The following NIPAL4 variants were observed in gnomAD, a reference collection of about 807,000 sequenced individuals.
NIPAL4 encodes NIPA like domain containing 4, also known as magnesium transporter NIPA4.
NIPAL4 carries 21 observed loss-of-function variants against 31.6 expected under a neutral mutation model. The ratio of observed to expected loss-of-function variants is 0.67; its 90% CI spans 0.47 to 0.96. NIPAL4 has a LOEUF of 0.96. Among genes scored for constraint, NIPAL4 ranks in the 40% least tolerant of loss-of-function variants. The probability of loss-of-function intolerance (pLI) is 0.00; values close to 1 mark genes in which losing one functional copy is unlikely to be tolerated. For missense variants in NIPAL4, 438 were observed against 508.0 expected, an observed-to-expected ratio of 0.86 and a Z score of 1.32; for synonymous variants, 175 against 211.1, an observed-to-expected ratio of 0.83 and a Z score of 1.48.
intron 4 of NIPAL4, among the ~76,000 whole-genome samples, chr5:157,470,434 C>T (rs576902314): frequency 6.6e-6 from 1 of 152,332 alleles, no homozygotes; most frequent in South Asian, 2.1e-4. Context: ...AGGACTCGAG[C>T]TCAATTCCTG....
intron 2 of NIPAL4, among the ~76,000 whole-genome samples, chr5:157,466,145 G>A (rs530956240): frequency 1.1e-4 from 17 of 152,144 alleles, no homozygotes; most frequent in Admixed American, 9.2e-4. Context: ...GTCAGGGATG[G>A]CATCGTAGGG....
chr5:157,471,838 G>C (rs776645162), intron 5 of NIPAL4, 21 bp downstream of exon 5: 1 of 1,565,866 alleles, frequency 6.4e-7, no homozygotes, highest in Admixed American at 1.9e-5. Context: ...AGCCCCTGAA[G>C]AGCAGGAAAA....
Position 157,472,787 on chromosome 5 carries a change from C to G in NIPAL4, c.1042C>G (p.Leu348Val). The G allele has an allele frequency of 6.2e-7, 1 of 1,609,028 alleles. No individual in the cohort carries two copies. Among genetic ancestry groups the G allele is most frequent in the Non-Finnish European group, 8.5e-7 (1 of 1,175,574 alleles). The change falls in exon 6 of 6, where the codon CTG becomes GTG. Residue 348 changes from leucine to valine, a missense_variant. Physicochemically the swap from Leu to Val is conservative, Grantham distance 32. Coordinates refer to ENST00000311946, the MANE Select transcript of NIPAL4 (RefSeq NM_001099287.2). ...GVFMLHAFKD[L>V]DISCASLPHM... ...GTTCATGCTGCATGCTTTCAAAGAC[C>G]TGGACATCAGCTGCGCCAGCTTGCC...
chr5:157,468,277 A>G (rs191278953), intron 3 of NIPAL4, among the ~76,000 whole-genome samples: 194 of 152,214 alleles, frequency 1.3e-3, no homozygotes, highest in Middle Eastern at 3.4e-3. Context: ...TTCCCCTGGA[A>G]AAGAGGGGAA....
At position 157,474,623 on chromosome 5, in the gene NIPAL4, C is replaced by T. The variant is rs1308403109; in HGVS notation, c.*1663C>T. 1 of 152,206 alleles carries T rather than the reference C, an allele frequency of 6.6e-6. No homozygotes were observed. The highest frequency in any genetic ancestry group is 1.5e-5 in the Non-Finnish European group (1 of 68,030). The allele number at this position is 152,206 out of a possible 1,614,324, so 9.4% of individuals were successfully genotyped here. The stretch of plus-strand genomic sequence containing the variant: ...GTGGATTTCTGTCTGTAATTAAAAG[C>T]AATGCAACAAGTTGGCTCTTGAGAA... On this transcript the variant is annotated 3_prime_UTR_variant, in exon 6 of 6. Transcript: ENST00000311946.
chr5:157,463,212 G>T lies in NIPAL4; in HGVS notation c.156G>T (p.Gln52His). Reference sequence around the variant, plus strand: ...ACAGCTGGCAGGAAAGAATCAGGCAGAACTATGGCTTCTACATCGGCCTGG... The same window carrying T: ...ACAGCTGGCAGGAAAGAATCAGGCATAACTATGGCTTCTACATCGGCCTGG... ...TFHSWQERIR[Q>H]NYGFYIGLGL... is the part of the protein sequence containing the mutation. Residue 52 changes from glutamine to histidine, a missense_variant, in exon 2 of 6, where the codon CAG becomes CAT. By Grantham distance (24) the Gln-to-His change is conservative. Coordinates refer to ENST00000311946, the MANE Select transcript of NIPAL4 (RefSeq NM_001099287.2). The T allele has an allele frequency of 6.2e-7, 1 of 1,614,012 alleles. No individual in the cohort carries two copies.
chr5:157,472,972 T>C lies in NIPAL4; in HGVS notation c.*12T>C, dbSNP rs1168129449. On this transcript the variant is annotated 3_prime_UTR_variant, in exon 6 of 6. Coordinates refer to ENST00000311946, the MANE Select transcript of NIPAL4 (RefSeq NM_001099287.2). Reference sequence around the variant, plus strand: ...TAATCCATTCCTGAAGCTTGGAATATGTGAGTGAGAGGATGAGTCCGATGG... The same window carrying C: ...TAATCCATTCCTGAAGCTTGGAATACGTGAGTGAGAGGATGAGTCCGATGG... The C allele has an allele frequency of 2.0e-6, 3 of 1,506,042 alleles. No individual in the cohort carries two copies. The highest frequency in any genetic ancestry group is 2.7e-6 in the Non-Finnish European group (3 of 1,131,016). The allele number at this position is 1,506,042 out of a possible 1,614,324, so 93.3% of individuals were successfully genotyped here.
chr5:157,472,890 T>C lies in NIPAL4; in HGVS notation c.1145T>C (p.Val382Ala), dbSNP rs1448682144. The C allele has an allele frequency of 1.9e-6, 3 of 1,554,870 alleles. No individual in the cohort carries two copies. The highest frequency in any genetic ancestry group is 1.2e-5 in the South Asian group (1 of 80,664). The change falls in exon 6 of 6, where the codon GTG becomes GCG. Residue 382 changes from valine (V) to alanine (A), a missense_variant. Physicochemically the swap from Val to Ala is moderately conservative, Grantham distance 64 (BLOSUM62 0). Transcript: ENST00000311946. ...AGACTGGAAGACAAGAACGTCCTTG[T>C]GGACAATATAGAACTTGCCAGCACC... ...VIRLEDKNVL[V>A]DNIELASTSS... is the part of the protein sequence containing the mutation.
intron 1 of NIPAL4, chr5:157,460,645 T>G: frequency 2.6e-5 from 12 of 459,048 alleles, no homozygotes; most frequent in Non-Finnish European, 4.3e-5. Context: ...GCAGACACCC[T>G]GAGAGGTGGT....
chr5:157,467,132 C>T (rs767210090), intron 3 of NIPAL4, 27 bp downstream of exon 3: 3 of 1,507,762 alleles, frequency 2.0e-6, no homozygotes, highest in Non-Finnish European at 2.8e-6. Flanking sequence ...TTACTAATAA[C>T]AGTGGCCTAT....
At chr5:157,466,982 G>T in intron 2 of NIPAL4, 67 bp from the exon 3 acceptor site, 1 of 1,231,404 alleles carries the variant, frequency 8.1e-7, no homozygotes, top group South Asian at 1.2e-5. Flanking sequence ...TGAGCAGAGA[G>T]TTAGGAAAGG....
At chr5:157,467,273 T>C in intron 3 of NIPAL4, 168 bp downstream of exon 3, 1 of 631,716 alleles carries the variant, frequency 1.6e-6, no homozygotes, top group Non-Finnish European at 2.9e-6. Flanking sequence ...CATCTTACCA[T>C]CAAAGTCAGT....
In NIPAL4 at chr5:157,473,127, A is replaced by C; in HGVS notation, c.*167A>C. On this transcript the variant is annotated 3_prime_UTR_variant, in exon 6 of 6. Coordinates refer to ENST00000311946, the MANE Select transcript of NIPAL4 (RefSeq NM_001099287.2). The stretch of plus-strand genomic sequence containing the variant: ...TTCCAGGAGAAAAATCTTTACCCAA[A>C]TAGCAATGGTGGCAGAACTTCCTGG... 1 of 521,718 alleles carries C rather than the reference A, an allele frequency of 1.9e-6. No individual in the cohort carries two copies. The allele number at this position is 521,718 out of a possible 1,614,324, so 32.3% of individuals were successfully genotyped here. A position where few individuals can be genotyped will look rare whatever the true frequency, so the allele number is the denominator to read the frequency against.
intron 1 of NIPAL4, among the ~76,000 whole-genome samples, chr5:157,462,218 AG>A (rs564797420): frequency 6.6e-6 from 1 of 152,338 alleles, no homozygotes; most frequent in Non-Finnish European, 1.5e-5. Context: ...GTCCTATTTT[AG>A]GGGGCAACAC....
chr5:157,462,321 T>C (rs972164616), intron 1 of NIPAL4, among the ~76,000 whole-genome samples: 1 of 152,138 alleles, frequency 6.6e-6, no homozygotes, highest in Non-Finnish European at 1.5e-5. Context: ...TGAATTTTCA[T>C]GGAAAATCTC....
Position 157,467,089 on chromosome 5 carries a change from G to A in NIPAL4, c.318G>A (p.Trp106Ter), listed in dbSNP as rs2113663875. The change falls in exon 3 of 6, where the codon TGG (tryptophan) becomes TGA (stop). Residue 106 changes from tryptophan to a stop codon, truncating the protein, a stop_gained. Coordinates refer to ENST00000311946, the MANE Select transcript of NIPAL4 (RefSeq NM_001099287.2). LOFTEE classifies it high-confidence loss of function. ...GCTACCTGAAAGATGCAATGTGGTG[G>A]GCTGGATTTCTCACCAGTAAGTGGG... ...GFGYLKDAMW[W>*]AGFLTMAAGE... The A allele has an allele frequency of 6.2e-7, 1 of 1,612,622 alleles. No homozygotes were observed. The highest frequency in any genetic ancestry group is 8.5e-7 in the Non-Finnish European group (1 of 1,178,784).
rs918085227 is a variant in NIPAL4 at position 157,471,868 on chromosome 5, C to G, written c.586+51C>G. 4.3e-6 allele frequency: 6 copies of G among 1,404,508 alleles called. No individual in the cohort carries two copies. The East Asian group carries it at 7.4e-5, about 17-fold the overall frequency. 87.0% of individuals were successfully genotyped at this position (1,404,508 alleles called of 1,614,324 possible). On this transcript the variant is annotated intron_variant, in intron 5 of 5. Transcript: ENST00000311946. ...GGAAAATACTGGAGGTTGAACACCC[C>G]CTACTACCCCACAAAAGGTCAGGTT...
Position 157,469,695 on chromosome 5 carries a change from G to C in NIPAL4, c.425+883G>C, listed in dbSNP as rs556498818. 1.4e-4 allele frequency among the ~76,000 whole-genome samples: 21 copies of C among 152,294 alleles called. No homozygotes were observed. The South Asian group carries it at 3.5e-3, about 26-fold the overall frequency. On this transcript the variant is annotated intron_variant, in intron 4 of 5. Transcript: ENST00000311946. ...AGCCAGCTCCTCTGTGGGGGTCCTG[G>C]AGCCCTATTTGAAGGAGACTCTGAT...
At chr5:157,461,233 C>T (rs887772536) in intron 1 of NIPAL4, among the ~76,000 whole-genome samples, 3 of 152,198 alleles carry the variant, frequency 2.0e-5, no homozygotes, top group Admixed American at 6.5e-5. Flanking sequence ...TTCTCTAGGC[C>T]AGAATGTGTT....
Sources: allele counts gnomAD v4.1 joint callset (sites outside exome capture counted in the v4.1 genomes callset), GRCh38; gene constraint gnomAD v4.1.1; transcripts MANE v1.5; gene names NCBI Gene and HGNC (gene_info 2026-07-23, HGNC 2026-07-21).